The following RHOG variants were observed in gnomAD, a reference collection of about 807,000 sequenced individuals.
The protein encoded by RHOG is ras homolog family member G.
RHOG carries 1 observed loss-of-function variant against 12.3 expected under a neutral mutation model. The observed-to-expected ratio is 0.08, with a 90% CI of 0.03 to 0.39. The LOEUF (loss-of-function observed/expected upper bound fraction) is 0.39. Ranked by LOEUF, RHOG falls within the 10% of genes least tolerant of loss-of-function variation. The probability of loss-of-function intolerance (pLI) is 0.99; values close to 1 mark genes in which losing one functional copy is unlikely to be tolerated. For synonymous variants in RHOG, 129 were observed against 116.0 expected (o/e 1.11, Z -0.72); for missense variants, 114 against 266.2 (o/e 0.43, Z 3.98).
At chr11:3,832,428 G>C (rs1411920432) in intron 1 of RHOG, among the ~76,000 whole-genome samples, 1 of 152,196 alleles carries the variant, frequency 6.6e-6, no homozygotes, top group African/African-American at 2.4e-5. Context: ...GATCAGGTAA[G>C]TTACTGCCCT....
At chr11:3,832,892 A>C (rs898607719) in intron 1 of RHOG, among the ~76,000 whole-genome samples, 1 of 152,050 alleles carries the variant, frequency 6.6e-6, no homozygotes, top group African/African-American at 2.4e-5. Context: ...TGGCTTTTTC[A>C]AAAGAATCAT....
chr11:3,837,206 C>T (rs1026215988), intron 1 of RHOG, among the ~76,000 whole-genome samples: 1 of 152,134 alleles, frequency 6.6e-6, no homozygotes, highest in African/African-American at 2.4e-5. Context: ...TCCCTTTAGC[C>T]CCGCCCGAGG....
chr11:3,840,143 C>A (rs1379374774), intron 1 of RHOG, among the ~76,000 whole-genome samples: 1 of 152,168 alleles, frequency 6.6e-6, no homozygotes, highest in Non-Finnish European at 1.5e-5. Context: ...CAGGGACTAT[C>A]AGTACCTCTG....
At chr11:3,836,986 C>T (rs1230580583) in intron 1 of RHOG, among the ~76,000 whole-genome samples, 3 of 151,084 alleles carry the variant, frequency 2.0e-5, no homozygotes, top group Non-Finnish European at 2.9e-5. Context: ...AAGCTGCCCC[C>T]TCCCCCACGC....
In RHOG at chr11:3,827,192, A is replaced by G; in HGVS notation, c.*371T>C. On this transcript the variant is annotated 3_prime_UTR_variant, in exon 2 of 2. Transcript: ENST00000351018. The surrounding 1 kb of genome is among the most constrained non-coding windows in gnomAD (Gnocchi z 7.3). The stretch of plus-strand genomic sequence containing the variant: ...AGAGCAGCGAGGGCAGAGGTTAGAG[A>G]TGGCTGAGAGCCCCTAACCTGAGGC... The G allele has an allele frequency of 4.0e-6, 1 of 251,126 alleles. No homozygotes were observed. Among genetic ancestry groups the G allele is most frequent in the Non-Finnish European group, 7.8e-6 (1 of 128,628 alleles). The allele number at this position is 251,126 out of a possible 1,614,324, so 15.6% of individuals were successfully genotyped here. A position where few individuals can be genotyped will look rare whatever the true frequency, so the allele number is the denominator to read the frequency against.
intron 1 of RHOG, among the ~76,000 whole-genome samples, chr11:3,833,037 C>G (rs894275885): frequency 1.3e-5 from 2 of 151,616 alleles, no homozygotes; most frequent in East Asian, 3.9e-4. Context: ...CTGAGCAACA[C>G]AGCAAGACCC....
intron 1 of RHOG, among the ~76,000 whole-genome samples, chr11:3,830,152 G>T (rs962062507): frequency 2.0e-5 from 3 of 152,136 alleles, no homozygotes; most frequent in Non-Finnish European, 2.9e-5. Flanking sequence ...CCTGGCATGT[G>T]CCTCTGAAAG....
chr11:3,831,795 T>C (rs1290705672), intron 1 of RHOG, among the ~76,000 whole-genome samples: 1 of 152,140 alleles, frequency 6.6e-6, no homozygotes, highest in Non-Finnish European at 1.5e-5. Context: ...CCTGTAATCT[T>C]CAGTTCCACA....
intron 1 of RHOG, among the ~76,000 whole-genome samples, chr11:3,828,828 G>T (rs562303823): frequency 2.4e-4 from 36 of 151,676 alleles, no homozygotes; most frequent in Non-Finnish European, 8.8e-5. Context: ...CACCGTGTTG[G>T]CCAGGATGGT....
intron 1 of RHOG, among the ~76,000 whole-genome samples, chr11:3,831,160 C>CA (rs1565082997): frequency 6.6e-6 from 1 of 152,172 alleles, no homozygotes; most frequent in East Asian, 1.9e-4. Flanking sequence ...CTTACCCCCC[C>CA]AGCCTGGGCT....
intron 1 of RHOG, among the ~76,000 whole-genome samples, chr11:3,834,259 CTCCTTT>C (rs996612209): frequency 6.6e-6 from 1 of 152,176 alleles, no homozygotes; most frequent in African/African-American, 2.4e-5. Context: ...CTGTGTGATT[CTCCTTT>C]TCCAACAGTC....
At chr11:3,831,449 T>C (rs2090128532) in intron 1 of RHOG, among the ~76,000 whole-genome samples, 1 of 152,164 alleles carries the variant, frequency 6.6e-6, no homozygotes, top group Non-Finnish European at 1.5e-5. Flanking sequence ...CACGTGTGCA[T>C]GCAACGTCAG....
chr11:3,829,365 C>T (rs184600993), intron 1 of RHOG, among the ~76,000 whole-genome samples: 62 of 151,528 alleles, frequency 4.1e-4, no homozygotes, highest in African/African-American at 1.3e-3. Flanking sequence ...TGTCTCCTGC[C>T]TCAGCCTCCC....
chr11:3,836,004 T>C (rs1403807584), intron 1 of RHOG, among the ~76,000 whole-genome samples: 1 of 151,560 alleles, frequency 6.6e-6, no homozygotes. Context: ...TTTCTTCCCT[T>C]TCTCCCCATC....
In RHOG at chr11:3,827,817, C is replaced by T; in HGVS notation, c.322G>A (p.Val108Met). ...HPEVCHHCPD[V>M]PILLVGTKKD... is the part of the protein sequence containing the mutation. ...TTGGTGCCCACCAGCAGGATGGGCA[C>T]ATCAGGGCAGTGGTGGCACACCTCT... is the stretch of plus-strand genomic sequence containing the variant. Residue 108 changes from valine (V) to methionine (M), a missense_variant, in exon 2 of 2, where the codon GTG becomes ATG. This residue lies in a region of RHOG where 53 missense variants were observed against 164.8 expected (regional missense o/e 0.32). Coordinates refer to ENST00000351018, the MANE Select transcript of RHOG (RefSeq NM_001665.4). The surrounding 1 kb of genome is among the most constrained non-coding windows in gnomAD (Gnocchi z 7.3). 6.2e-7 allele frequency: 1 copy of T among 1,614,116 alleles called. No individual in the cohort carries two copies. The highest frequency in any genetic ancestry group is 8.5e-7 in the Non-Finnish European group (1 of 1,179,988).
chr11:3,839,602 A>AACACACACACAAACACACACACACACAC (rs1554948262), intron 1 of RHOG, among the ~76,000 whole-genome samples: 2 of 141,598 alleles, frequency 1.4e-5, no homozygotes, highest in African/African-American at 5.3e-5. Flanking sequence ...CACACACGCA[A>AACACACACACAAACACACACACACACAC]ACACACACAC....
intron 1 of RHOG, among the ~76,000 whole-genome samples, chr11:3,833,540 A>C (rs1333112367): frequency 1.3e-5 from 2 of 152,202 alleles, no homozygotes; most frequent in Non-Finnish European, 2.9e-5. Flanking sequence ...AAGGGATATT[A>C]GAGTTACGTA....
At chr11:3,834,268 C>T (rs2090144894) in intron 1 of RHOG, among the ~76,000 whole-genome samples, 2 of 152,118 alleles carry the variant, frequency 1.3e-5, no homozygotes, top group African/African-American at 2.4e-5. Flanking sequence ...TCTCCTTTTC[C>T]AACAGTCATA....
At chr11:3,829,486 G>C (rs2090113338) in intron 1 of RHOG, among the ~76,000 whole-genome samples, 1 of 151,832 alleles carries the variant, frequency 6.6e-6, no homozygotes. Context: ...CCTGACCTCA[G>C]GTGATCTACC....
Sources: gnomAD v4.1 joint callset for allele counts (sites outside exome capture counted in the v4.1 genomes callset) on GRCh38, gnomAD v4.1.1 for gene constraint, gnomAD v4.1.1 regional missense constraint, Gnocchi (gnomAD v3.1) non-coding constraint, MANE v1.5 for transcripts, NCBI Gene and HGNC (gene_info 2026-07-23, HGNC 2026-07-21) for gene names.